C11orf91: variants seen among roughly 807,000 people sequenced by gnomAD.
C11orf91 encodes chromosome 11 open reading frame 91, also known as uncharacterized protein C11orf91.
Under a neutral mutation model 14.3 loss-of-function variants are expected in C11orf91, and 10 were observed. The observed-to-expected ratio is 0.70, with a 90% CI of 0.43 to 1.18. The LOEUF is 1.18. Among genes scored for constraint, C11orf91 ranks in the 50% most tolerant of loss-of-function variants. The pLI is 0.00. For missense variants in C11orf91, 236 were observed against 269.0 expected (o/e 0.88, Z 0.86); for synonymous variants, 141 against 130.6 (o/e 1.08, Z -0.54).
Position 33,698,432 on chromosome 11 carries a change from GGAGA to G in C11orf91, c.575_578del (p.Leu192ProfsTer19). On this transcript the variant is annotated frameshift_variant, in exon 2 of 2. Coordinates refer to ENST00000379011, the MANE Select transcript of C11orf91 (RefSeq NM_001166692.2). LOFTEE classifies it high-confidence loss of function. ...CCAAGCTCTGGTAGGCAGCTCCTCA[GGAGA>G]GAGAGGCCGACTTCTTTCCAGGTTG... The G allele has an allele frequency of 6.5e-7, 1 of 1,535,680 alleles. No individual in the cohort carries two copies. Among genetic ancestry groups the G allele is most frequent in the Non-Finnish European group, 8.7e-7 (1 of 1,145,312 alleles).
upstream of C11orf91, chr11:33,704,694 C>T (rs1853239260): frequency 6.6e-6 from 1 of 152,268 alleles, no homozygotes; most frequent in Non-Finnish European, 1.5e-5. Flanking sequence ...GCATCAGAGC[C>T]GGCATTTCAA....
At chr11:33,701,186 G>T (rs1004704444), upstream of C11orf91, among the ~76,000 whole-genome samples, 6 of 152,238 alleles carry the variant, frequency 3.9e-5, no homozygotes, top group African/African-American at 1.2e-4. Flanking sequence ...CCCTGCACCA[G>T]CAGACTTACC....
At chr11:33,699,372 T>C (rs1853083127) in intron 1 of C11orf91, among the ~76,000 whole-genome samples, 1 of 152,146 alleles carries the variant, frequency 6.6e-6, no homozygotes, top group Non-Finnish European at 1.5e-5. Context: ...TTATATACGA[T>C]AGTTGGAATG....
chr11:33,700,211 G>T, intron 1 of C11orf91, 34 bp downstream of exon 1: 1 of 1,520,038 alleles, frequency 6.6e-7, no homozygotes, highest in Non-Finnish European at 8.8e-7. Flanking sequence ...GGCAGGCTAA[G>T]GCTGGGCTCG....
Position 33,700,665 on chromosome 11 carries a change from G to A in C11orf91, c.76C>T (p.Leu26=), listed in dbSNP as rs941243332. 1.0e-5 allele frequency: 15 copies of A among 1,466,614 alleles called. No individual in the cohort carries two copies. The highest frequency in any genetic ancestry group is 1.5e-5 in the African/African-American group (1 of 68,588). 90.9% of individuals were successfully genotyped at this position (1,466,614 alleles called of 1,614,324 possible). ...GACGAGGAGATGCCGCGGTCGTACA[G>A]GGACGGGAAATAGAGGGGCGGAGCC... is the stretch of plus-strand genomic sequence containing the variant. The part of the protein sequence containing the change: ...RSAPPLYFPS[L]YDRGISSSPL... The change falls in exon 1 of 2, where the codon CTG becomes TTG. Residue 26 remains leucine, a synonymous_variant. Transcript: ENST00000379011.
upstream of C11orf91, chr11:33,703,635 T>G (rs1457423918): frequency 6.6e-6 from 1 of 152,180 alleles, no homozygotes; most frequent in African/African-American, 2.4e-5. Context: ...CACCTCTACC[T>G]TAAGCTTACC....
the C11orf91 span, chr11:33,706,519 T>C: frequency 1.4e-5 from 2 of 138,890 alleles, no homozygotes; most frequent in African/African-American, 5.4e-5. Flanking sequence ...TTCTTTGAGG[T>C]AGACATAGAA....
upstream of C11orf91, chr11:33,705,785 G>A (rs1320693465): frequency 6.6e-6 from 1 of 152,108 alleles, no homozygotes; most frequent in African/African-American, 2.4e-5. Flanking sequence ...TCCCTCTGGA[G>A]AACCCTAATA....
At position 33,700,402 on chromosome 11, in the gene C11orf91, C is replaced by A; in HGVS notation, c.339G>T (p.Pro113=). 6.6e-7 allele frequency: 1 copy of A among 1,509,484 alleles called. No individual in the cohort carries two copies. Among genetic ancestry groups the A allele is most frequent in the Non-Finnish European group, 8.8e-7 (1 of 1,131,468 alleles). 93.5% of individuals were successfully genotyped at this position (1,509,484 alleles called of 1,614,324 possible). ...YEPLRFFYSP[P]PGPEVVASPL... is the part of the protein sequence containing the mutation. ...GCGAGGCAACCACCTCAGGCCCCGG[C>A]GGCGGTGAGTAGAAGAAGCGCAGAG... Residue 113 remains proline, a synonymous_variant, in exon 1 of 2, where the codon CCG becomes CCT. Transcript: ENST00000379011.
chr11:33,700,916 C>T (rs554796671), upstream of C11orf91: 1 of 465,446 alleles, frequency 2.1e-6, no homozygotes, highest in East Asian at 3.9e-5. Context: ...GACCACGTCC[C>T]GGAACGCGGC....
At chr11:33,703,852 T>C (rs540038846), upstream of C11orf91, 2 of 152,352 alleles carry the variant, frequency 1.3e-5, no homozygotes, top group South Asian at 4.1e-4. Flanking sequence ...CTGTCCAGCA[T>C]TCTTCACTCT....
chr11:33,702,838 CTATG>C (rs1853154298), upstream of C11orf91: 1 of 226,430 alleles, frequency 4.4e-6, no homozygotes, highest in Admixed American at 5.8e-5. Context: ...CCTGGATCCA[CTATG>C]TATTTGGCTG....
chr11:33,699,047 G>A (rs1463153670), intron 1 of C11orf91, among the ~76,000 whole-genome samples: 2 of 151,906 alleles, frequency 1.3e-5, no homozygotes, highest in Non-Finnish European at 2.9e-5. Context: ...TGATCCACCC[G>A]CATTGGCCCC....
chr11:33,700,772 C>T lies in C11orf91; in HGVS notation c.-32G>A. The T allele has an allele frequency of 7.9e-7, 1 of 1,268,474 alleles. No individual in the cohort carries two copies. Among genetic ancestry groups the T allele is most frequent in the Non-Finnish European group, 9.9e-7 (1 of 1,008,448 alleles). 78.6% of individuals were successfully genotyped at this position (1,268,474 alleles called of 1,614,324 possible). A position where few individuals can be genotyped will look rare whatever the true frequency, so the allele number is the denominator to read the frequency against. ...AATGAGGGTCTGCGTGGGAGGAACC[C>T]CGCGCCGGGAGACGCGCGCTCAGGC... On this transcript the variant is annotated 5_prime_UTR_variant, in exon 1 of 2. Transcript: ENST00000379011.
upstream of C11orf91, chr11:33,704,228 A>T (rs1198667593): frequency 6.6e-6 from 1 of 152,294 alleles, no homozygotes; most frequent in Non-Finnish European, 1.5e-5. Flanking sequence ...TGACCCTGGG[A>T]AAATCACATC....
At chr11:33,705,468 T>C (rs1234284998), upstream of C11orf91, 1 of 152,198 alleles carries the variant, frequency 6.6e-6, no homozygotes, top group Admixed American at 6.5e-5. Flanking sequence ...GTTTGCTGAG[T>C]CTTCTGGCTT....
chr11:33,701,027 C>A (rs796615402), upstream of C11orf91, among the ~76,000 whole-genome samples: 16 of 152,366 alleles, frequency 1.1e-4, no homozygotes, highest in African/African-American at 3.6e-4. Context: ...CCGCCTCGCT[C>A]TTGCTCTGCG....
Position 33,700,609 on chromosome 11 carries a change from CT to C in C11orf91, c.131del (p.Lys44SerfsTer6), listed in dbSNP as rs989755664. ...SPLSDFNIWK[K>X]LFVPLKAGGA... is the part of the protein sequence containing the mutation. The stretch of plus-strand genomic sequence containing the variant: ...CGCCCGCCTTCAGCGGCACGAAGAG[CT>C]TCTTCCAGATGTTGAAGTCGCTGAG... On this transcript the variant is annotated frameshift_variant, in exon 1 of 2. Transcript: ENST00000379011. LOFTEE classifies it high-confidence loss of function. 4.1e-6 allele frequency: 6 copies of C among 1,472,772 alleles called. No individual in the cohort carries two copies. In the African/African-American group the frequency reaches 8.7e-5, roughly 21 times the overall value. 91.2% of individuals were successfully genotyped at this position (1,472,772 alleles called of 1,614,324 possible). A position where few individuals can be genotyped will look rare whatever the true frequency, so the allele number is the denominator to read the frequency against.
intron 1 of C11orf91, chr11:33,699,734 A>G: frequency 4.7e-6 from 2 of 426,654 alleles, no homozygotes; most frequent in Admixed American, 5.2e-5. Context: ...GAGTGTCCCA[A>G]AGCTGCCCTG....
Sources: allele counts gnomAD v4.1 joint callset (sites outside exome capture counted in the v4.1 genomes callset), GRCh38; gene constraint gnomAD v4.1.1; transcripts MANE v1.5; gene names NCBI Gene and HGNC (gene_info 2026-07-23, HGNC 2026-07-21).